Variants in REPIN1 observed in about 807,000 individuals in gnomAD.
The protein encoded by REPIN1 is replication initiator 1, also known as DNA-binding protein REPIN1.
REPIN1 carries 4 observed loss-of-function variants against 5.7 expected under a neutral mutation model. That is an observed-to-expected ratio of 0.71 (90% CI 0.35 to 1.62). The LOEUF is 1.62. Among genes scored for constraint, REPIN1 ranks in the 40% most tolerant of loss-of-function variants. The pLI is 0.05. For synonymous variants in REPIN1, 410 were observed against 386.2 expected, an observed-to-expected ratio of 1.06 and a Z score of -0.72; for missense variants, 854 against 901.0, an observed-to-expected ratio of 0.95 and a Z score of 0.67.
At chr7:150,370,525 C>T (rs1799554925) in intron 2 of REPIN1, 4 of 541,730 alleles carry the variant, frequency 7.4e-6, no homozygotes, top group East Asian at 3.2e-5. Flanking sequence ...CAGCCTCCTA[C>T]GGAGACTGCA....
intron 1 of REPIN1, 51 bp from the exon 2 acceptor site, chr7:150,369,620 G>C: frequency 6.5e-7 from 1 of 1,545,650 alleles, no homozygotes; most frequent in Non-Finnish European, 8.8e-7. Context: ...AAAGCTGACT[G>C]CCCTAGAGGA....
Position 150,371,780 on chromosome 7 carries a change from G to A in REPIN1, c.710G>A (p.Gly237Asp). The change falls in exon 3 of 3, where the codon GGC becomes GAC. Residue 237 changes from glycine (G) to aspartate (D), a missense_variant. Transcript: ENST00000489432. ...PAPEARPFIC[G>D]NCGRSFAQWD... ...CCGGAGGCCCGGCCCTTCATATGCG[G>A]CAACTGTGGCCGGAGCTTTGCCCAG... 2 of 1,611,510 alleles carry A rather than the reference G, an allele frequency of 1.2e-6. No individual in the cohort carries two copies. The highest frequency in any genetic ancestry group is 1.7e-6 in the Non-Finnish European group (2 of 1,179,642).
chr7:150,369,647 C>T (rs760274487), intron 1 of REPIN1, 24 bp from the exon 2 acceptor site: 91 of 1,608,428 alleles, frequency 5.7e-5, no homozygotes, highest in Non-Finnish European at 7.4e-5. Context: ...AGCCTCACTT[C>T]TGTTTTCTCT....
chr7:150,370,402 C>T (rs1799524431), intron 2 of REPIN1: 3 of 330,190 alleles, frequency 9.1e-6, no homozygotes, highest in South Asian at 5.8e-5. Context: ...AGAGGGCAGG[C>T]GGGCAGAATG....
chr7:150,371,723 G>T lies in REPIN1; in HGVS notation c.653G>T (p.Arg218Leu), dbSNP rs767092102. ...CGCTTCTGGCGACGAAAGCAGCTTC[G>T]AGCTCATCTGCGGCGGTGCCACCCT... Reference protein sequence around the residue: ...ERRFWRRKQLRAHLRRCHPPA... With the variant: ...ERRFWRRKQLLAHLRRCHPPA... Residue 218 changes from arginine to leucine, a missense_variant, in exon 3 of 3, where the codon CGA (arginine) becomes CTA (leucine). Transcript: ENST00000489432. 4.7e-5 allele frequency: 75 copies of T among 1,608,576 alleles called. No homozygotes were observed. The highest frequency in any genetic ancestry group is 5.9e-5 in the Non-Finnish European group (70 of 1,179,890).
Position 150,371,227 on chromosome 7 carries a change from G to A in REPIN1, c.158-1G>A. ...GAGTGACTGTGCTTTTCCACCCTCA[G>A]CAGAGGAAGAACCGATGCTGGAACG... is the stretch of plus-strand genomic sequence containing the variant. On this transcript the variant is annotated splice_acceptor_variant, in intron 2 of 2. Coordinates refer to ENST00000489432, the MANE Select transcript of REPIN1 (RefSeq NM_001099695.2). LOFTEE classifies it high-confidence loss of function. The A allele has an allele frequency of 6.3e-7, 1 of 1,584,360 alleles. No homozygotes were observed. Among genetic ancestry groups the A allele is most frequent in the Non-Finnish European group, 8.6e-7 (1 of 1,164,488 alleles).
intron 2 of REPIN1, chr7:150,370,151 T>G: frequency 2.7e-6 from 1 of 374,926 alleles, no homozygotes; most frequent in Non-Finnish European, 4.9e-6. Flanking sequence ...TGCAGGAATC[T>G]GGGCTCCCCT....
chr7:150,368,797 G>T (rs1024872650), upstream of REPIN1: 14 of 295,898 alleles, frequency 4.7e-5, no homozygotes, highest in Non-Finnish European at 8.0e-5. Flanking sequence ...GAACCCGGCG[G>T]GGGGAGGTTG....
chr7:150,373,750 G>A lies in REPIN1; in HGVS notation c.*805G>A, dbSNP rs543350624. The A allele has an allele frequency of 9.9e-4, 165 of 167,258 alleles. 1 individual carries two copies. Among genetic ancestry groups the A allele is most frequent in the Admixed American group, 8.7e-3 (133 of 15,310 alleles). 10.4% of individuals were successfully genotyped at this position (167,258 alleles called of 1,614,324 possible). On this transcript the variant is annotated 3_prime_UTR_variant, in exon 3 of 3. Transcript: ENST00000489432. ...GGCAAGGACTGCCGCATTGGTGATG[G>A]AGGGCCAGCTGAGGGGAAGTTGCTG...
At chr7:150,368,714 TC>T (rs1653636407), upstream of REPIN1, 1 of 242,200 alleles carries the variant, frequency 4.1e-6, no homozygotes, top group Admixed American at 5.5e-5. Flanking sequence ...CGGCAGTCCC[TC>T]CCCGCCCCCA....
Position 150,373,878 on chromosome 7 carries a change from A to C in REPIN1, c.*933A>C, listed in dbSNP as rs1800164020. ...ACCTCCTGAGGCCCTGGATGATTCTAATTGTTAGAAATTCTAATTGTTAGA... is the reference window on the plus strand; with the variant it reads ...ACCTCCTGAGGCCCTGGATGATTCTCATTGTTAGAAATTCTAATTGTTAGA... On this transcript the variant is annotated 3_prime_UTR_variant, in exon 3 of 3. Transcript: ENST00000489432. The C allele has an allele frequency of 6.0e-6, 1 of 167,064 alleles. No homozygotes were observed. Among genetic ancestry groups the C allele is most frequent in the African/African-American group, 2.4e-5 (1 of 41,460 alleles). 10.3% of individuals were successfully genotyped at this position (167,064 alleles called of 1,614,324 possible). A position where few individuals can be genotyped will look rare whatever the true frequency, so the allele number is the denominator to read the frequency against.
At chr7:150,370,660 G>A (rs1799588657) in intron 2 of REPIN1, 1 of 695,678 alleles carries the variant, frequency 1.4e-6, no homozygotes, top group Admixed American at 2.0e-5. Context: ...GGAGTTTAAA[G>A]ACCTGTTCCC....
chr7:150,369,482 C>T (rs1040568832), intron 1 of REPIN1, 189 bp from the exon 2 acceptor site: 183 of 583,284 alleles, frequency 3.1e-4, no homozygotes, highest in Non-Finnish European at 6.2e-5. Flanking sequence ...CAGTGTGCTT[C>T]CTTGTTGAAG....
At chr7:150,369,530 C>A in intron 1 of REPIN1, 141 bp from the exon 2 acceptor site, 1 of 698,870 alleles carries the variant, frequency 1.4e-6, no homozygotes, top group Non-Finnish European at 2.5e-6. Flanking sequence ...CCATTAAGGT[C>A]ACTCTGCCAG....
In REPIN1 at chr7:150,369,797, G is replaced by C. The variant is rs201787512; in HGVS notation, c.86G>C (p.Arg29Pro). ...RSVGRSRRCS[R>P]GSIPRNIPKR... ...GTGGGCCGAAGCAGGCGCTGCAGCC[G>C]CGGAAGTATCCCCAGGAACATCCCC... Residue 29 changes from arginine (R) to proline (P), a missense_variant, in exon 2 of 3, where the codon CGC becomes CCC. By Grantham distance (103) the Arg-to-Pro change is moderately radical. Transcript: ENST00000489432. 385 of 1,613,852 alleles carry C rather than the reference G, an allele frequency of 2.4e-4. 1 individual carries two copies. The highest frequency in any genetic ancestry group is 2.0e-3 in the Middle Eastern group (12 of 6,058).
chr7:150,371,169 G>A (rs1418972928), intron 2 of REPIN1, 59 bp from the exon 3 acceptor site: 2 of 1,483,124 alleles, frequency 1.3e-6, no homozygotes, highest in Non-Finnish European at 1.8e-6. Flanking sequence ...AGGTTGGGAG[G>A]GGAGAAACAG....
At chr7:150,370,698 G>A (rs1799595070) in intron 2 of REPIN1, 3 of 701,976 alleles carry the variant, frequency 4.3e-6, no homozygotes, top group Non-Finnish European at 7.8e-6. Flanking sequence ...TTGGCTTACT[G>A]TGTCACCTTG....
rs1416070573 is a variant in REPIN1, at chr7:150,372,784, T to C, written c.1714T>C (p.Tyr572His). ...HRRIHTGERP[Y>H]ACPDCDRSFS... is the part of the protein sequence containing the mutation. ...GCGCATCCACACGGGCGAGCGGCCC[T>C]ACGCCTGTCCCGACTGCGACCGCAG... Residue 572 changes from tyrosine (Y) to histidine (H), a missense_variant, in exon 3 of 3, where the codon TAC (tyrosine) becomes CAC (histidine). By Grantham distance (83) the Tyr-to-His change is moderately conservative. Around this residue, in one of 5 missense-constraint regions of REPIN1, gnomAD observed 101 missense variants for 124.7 expected, o/e 0.81. Coordinates refer to ENST00000489432, the MANE Select transcript of REPIN1 (RefSeq NM_001099695.2). 4 of 1,612,114 alleles carry C rather than the reference T, an allele frequency of 2.5e-6. No homozygotes were observed. The highest frequency in any genetic ancestry group is 1.7e-6 in the Non-Finnish European group (2 of 1,179,978).
Position 150,373,073 on chromosome 7 carries a change from C to T in REPIN1, c.*128C>T. 2 of 1,339,916 alleles carry T rather than the reference C, an allele frequency of 1.5e-6. No individual in the cohort carries two copies. Among genetic ancestry groups the T allele is most frequent in the Non-Finnish European group, 2.0e-6 (2 of 989,974 alleles). 83.0% of individuals were successfully genotyped at this position (1,339,916 alleles called of 1,614,324 possible). On this transcript the variant is annotated 3_prime_UTR_variant, in exon 3 of 3. Coordinates refer to ENST00000489432, the MANE Select transcript of REPIN1 (RefSeq NM_001099695.2). ...TGGGAATCCTAGAGGGGATGGAAGA[C>T]GCGGGGAGTGAGCTGGGTGGGCCCT... is the stretch of plus-strand genomic sequence containing the variant.
Sources: gnomAD v4.1 joint callset for allele counts on GRCh38, gnomAD v4.1.1 for gene constraint, gnomAD v4.1.1 regional missense constraint, MANE v1.5 for transcripts, NCBI Gene and HGNC (gene_info 2026-07-23, HGNC 2026-07-21) for gene names.